DAB1: variants seen among roughly 807,000 people sequenced by gnomAD.
The protein encoded by DAB1 is DAB adaptor protein 1.
Under a neutral mutation model 64.6 loss-of-function variants are expected in DAB1, and 15 were observed. The ratio of observed to expected loss-of-function variants is 0.23; its 90% CI spans 0.16 to 0.36. The LOEUF (loss-of-function observed/expected upper bound fraction) is 0.36, where lower values mean the gene tolerates loss of function less well. Among genes scored for constraint, DAB1 ranks in the 10% least tolerant of loss-of-function variants. The pLI is 1.00. For synonymous variants in DAB1, 235 were observed against 251.9 expected (o/e 0.93, Z 0.64); for missense variants, 596 against 706.7 (o/e 0.84, Z 1.78).
chr1:58,351,595 G>A lies in DAB1; in HGVS notation n.258-8192C>T, dbSNP rs144836566. Among the ~76,000 whole-genome samples, 121 of 151,966 alleles carry A rather than the reference G, an allele frequency of 8.0e-4. No homozygotes were observed. In the East Asian group the frequency reaches 0.019, roughly 24 times the overall value. On this transcript the variant is annotated intron_variant and non_coding_transcript_variant, in intron 3 of 20. Transcript: ENST00000485760. ...CTAGAGTAAGTTCTCCAGCCTCTCT[G>A]AGTCTCAGTTTCCTCATTGGTAAGG...
rs1323783293 is a variant in DAB1 at position 58,254,945 on chromosome 1, T to C, written n.309+88407A>G. On this transcript the variant is annotated intron_variant and non_coding_transcript_variant, in intron 4 of 20. Coordinates refer to the DAB1 transcript ENST00000485760. Reference sequence around the variant, plus strand: ...ATGGGATGGCTGGGTCAAATGGTATTTCTAGTTCTAGATCCCTGAGGAATC... The same window carrying C: ...ATGGGATGGCTGGGTCAAATGGTATCTCTAGTTCTAGATCCCTGAGGAATC... Among the ~76,000 whole-genome samples the C allele has an allele frequency of 1.4e-3, 99 of 70,250 alleles. 10 individuals carry two copies. The highest frequency in any genetic ancestry group is 1.9e-3 in the Non-Finnish European group (76 of 40,932). The allele number at this position is 70,250 out of a possible 152,430, so 46.1% of individuals were successfully genotyped here.
intron 5 of DAB1, among the ~76,000 whole-genome samples, chr1:57,966,726 G>A (rs769035963): frequency 7.2e-5 from 11 of 152,080 alleles, no homozygotes; most frequent in Admixed American, 3.9e-4. Flanking sequence ...TAAGTTTTTC[G>A]TGTATGTACA....
intron 6 of DAB1, among the ~76,000 whole-genome samples, chr1:57,727,383 G>A (rs951117131): frequency 1.7e-4 from 26 of 152,210 alleles, no homozygotes; most frequent in African/African-American, 6.0e-4. Flanking sequence ...AGTCGGTGGC[G>A]AGTGCTGCTA....
At chr1:57,487,072 G>T (rs12138947) in intron 7 of DAB1, among the ~76,000 whole-genome samples, 169 of 152,274 alleles carry the variant, frequency 1.1e-3, no homozygotes, top group Non-Finnish European at 2.1e-3. Context: ...TCAAACACAG[G>T]TTTCCTGGGC....
intron 2 of DAB1, among the ~76,000 whole-genome samples, chr1:57,272,035 T>C (rs1671051563): frequency 3.3e-5 from 5 of 152,128 alleles, no homozygotes; most frequent in Admixed American, 3.3e-4. Context: ...GAAAGAAGCA[T>C]GAAGCAGGTG....
At chr1:57,860,929 G>C (rs1339290689) in intron 1 of DAB1, 1 of 152,300 alleles carries the variant, frequency 6.6e-6, no homozygotes, top group Non-Finnish European at 1.5e-5. Flanking sequence ...GGTGGAGAGT[G>C]AGTTGGGTAG....
chr1:57,251,898 G>A (rs1479372181), intron 2 of DAB1, among the ~76,000 whole-genome samples: 1 of 152,182 alleles, frequency 6.6e-6, no homozygotes, highest in Non-Finnish European at 1.5e-5. Flanking sequence ...AATGACCTCT[G>A]TCGTGACAGC....
At chr1:57,347,625 T>A (rs1478078160) in intron 1 of DAB1, among the ~76,000 whole-genome samples, 1 of 152,228 alleles carries the variant, frequency 6.6e-6, no homozygotes, top group African/African-American at 2.4e-5. Context: ...ATTGAAAATG[T>A]AAGTTGAATG....
intron 1 of DAB1, among the ~76,000 whole-genome samples, chr1:57,875,807 C>A (rs1416689476): frequency 6.6e-6 from 1 of 152,176 alleles, no homozygotes; most frequent in Non-Finnish European, 1.5e-5. Flanking sequence ...ATGTGCATTA[C>A]TTAATAAAAA....
intron 5 of DAB1, among the ~76,000 whole-genome samples, chr1:58,069,378 C>A (rs1394620562): frequency 2.6e-5 from 4 of 152,128 alleles, no homozygotes; most frequent in Admixed American, 1.3e-4. Flanking sequence ...ACTTACTGTC[C>A]TGATTTAATA....
intron 3 of DAB1, among the ~76,000 whole-genome samples, chr1:58,345,930 CT>C (rs1569666404): frequency 6.6e-6 from 1 of 152,134 alleles, no homozygotes; most frequent in Non-Finnish European, 1.5e-5. Context: ...TTTTTTTCTG[CT>C]GCCAAGAGCA....
chr1:57,330,944 A>G (rs1349964577), intron 1 of DAB1, among the ~76,000 whole-genome samples: 1 of 151,990 alleles, frequency 6.6e-6, no homozygotes, highest in Non-Finnish European at 1.5e-5. Flanking sequence ...GAGCCACCTA[A>G]ACAGCATCAT....
chr1:58,049,671 T>C (rs1355525244), intron 5 of DAB1, among the ~76,000 whole-genome samples: 1 of 152,118 alleles, frequency 6.6e-6, no homozygotes, highest in East Asian at 1.9e-4. Context: ...TGACCTTGAG[T>C]TTGAAATTTA....
chr1:58,132,980 C>T (rs144374182), intron 5 of DAB1, among the ~76,000 whole-genome samples: 28 of 152,320 alleles, frequency 1.8e-4, no homozygotes, highest in African/African-American at 5.8e-4. Flanking sequence ...TTTGTACATT[C>T]CCACGAGCTT....
intron 1 of DAB1, among the ~76,000 whole-genome samples, chr1:57,421,920 G>C (rs1684936567): frequency 8.1e-6 from 1 of 122,970 alleles, no homozygotes; most frequent in Non-Finnish European, 1.8e-5. Flanking sequence ...GGGGTGGCGG[G>C]GGGGGGTGCC....
Position 57,799,273 on chromosome 1 carries a change from G to A in DAB1, n.551+84726C>T, listed in dbSNP as rs114970227. Among the ~76,000 whole-genome samples the A allele has an allele frequency of 1.5e-3, 231 of 152,318 alleles. 1 individual carries two copies. The highest frequency in any genetic ancestry group is 5.3e-3 in the African/African-American group (219 of 41,574). On this transcript the variant is annotated intron_variant and non_coding_transcript_variant, in intron 6 of 20. Coordinates refer to the DAB1 transcript ENST00000485760. ...CCTCAGTATCCTCAGCCCCACAGCT[G>A]TGAATGGGCTCCTTTGTACAGAAAA...
chr1:58,518,848 C>T (rs1646214879), intron 2 of DAB1, among the ~76,000 whole-genome samples: 1 of 152,034 alleles, frequency 6.6e-6, no homozygotes, highest in East Asian at 1.9e-4. Flanking sequence ...AAGACACGAG[C>T]TCTAAGAATT....
chr1:57,027,567 A>G (rs1452897260), intron 9 of DAB1, among the ~76,000 whole-genome samples: 1 of 152,172 alleles, frequency 6.6e-6, no homozygotes, highest in Non-Finnish European at 1.5e-5. Flanking sequence ...AACAGGGGGT[A>G]TATTTGGATT....
At chr1:58,300,638 GAGAGAGAGAGGA>G (rs1557726247) in intron 4 of DAB1, among the ~76,000 whole-genome samples, 30 of 61,824 alleles carry the variant, frequency 4.9e-4, no homozygotes, top group South Asian at 8.2e-4. Flanking sequence ...GAGAGAGAGA[GAGAGAGAGAGGA>G]AGGAAGGAAG....
Sources: allele counts gnomAD v4.1 joint callset (sites outside exome capture counted in the v4.1 genomes callset), GRCh38; gene constraint gnomAD v4.1.1; transcripts MANE v1.5; gene names NCBI Gene and HGNC (gene_info 2026-07-23, HGNC 2026-07-21).